RPE65: variants seen among roughly 807,000 people sequenced by gnomAD.
RPE65 encodes the protein retinoid isomerohydrolase RPE65.
Under a neutral mutation model 68.5 loss-of-function variants are expected in RPE65, and 58 were observed. That is an observed-to-expected ratio of 0.85 (90% CI 0.69 to 1.05). The LOEUF is 1.05. Ranked by LOEUF, RPE65 falls within the 50% of genes least tolerant of loss-of-function variation. The pLI is 0.00. For missense variants in RPE65, 643 were observed against 629.9 expected (o/e 1.02, Z -0.22); for synonymous variants, 220 against 222.2 (o/e 0.99, Z 0.09).
At chr1:68,443,759 A>T (rs1645920072) in intron 5 of RPE65, among the ~76,000 whole-genome samples, 1 of 152,198 alleles carries the variant, frequency 6.6e-6, no homozygotes, top group Non-Finnish European at 1.5e-5. Flanking sequence ...ACATTAAGTC[A>T]CCTGAAGACA....
intron 10 of RPE65, among the ~76,000 whole-genome samples, chr1:68,433,268 G>A (rs1571160207): frequency 6.6e-6 from 1 of 152,186 alleles, no homozygotes; most frequent in South Asian, 2.1e-4. Flanking sequence ...CGAGGAATGA[G>A]AAGGTAGCTG....
chr1:68,449,689 C>G (rs1227560696), intron 1 of RPE65, among the ~76,000 whole-genome samples: 1 of 152,146 alleles, frequency 6.6e-6, no homozygotes, highest in African/African-American at 2.4e-5. Context: ...AAACCCCGGG[C>G]TAAGTCACAC....
In RPE65 at chr1:68,433,748, A is replaced by G. The variant is rs548080793; in HGVS notation, c.1129-2163T>C. ...TGTTGTCTGCACTTAGTTCAGCCTC[A>G]GAGGTATAAGCATGGAGGGGGTGGA... On this transcript the variant is annotated intron_variant, in intron 10 of 13. Transcript: ENST00000262340. 2.6e-5 allele frequency among the ~76,000 whole-genome samples: 4 copies of G among 152,280 alleles called. No individual in the cohort carries two copies. The South Asian group carries it at 6.2e-4, about 24-fold the overall frequency.
Position 68,444,792 on chromosome 1 carries a change from T to G in RPE65, c.337A>C (p.Lys113Gln), listed in dbSNP as rs776612353. 4 of 1,614,218 alleles carry G rather than the reference T, an allele frequency of 2.5e-6. No individual in the cohort carries two copies. The highest frequency in any genetic ancestry group is 3.4e-6 in the Non-Finnish European group (4 of 1,180,028). ...FGTCAFPDPC[K>Q]NIFSRFFSYF... ...TTCAGTAACCTGGAAAATATATTCT[T>G]GCAGGGATCTGGGAAAGCACAGGTG... Residue 113 changes from lysine (K) to glutamine (Q), a missense_variant, in exon 4 of 14, where the codon AAG (lysine) becomes CAG (glutamine). Coordinates refer to ENST00000262340, the MANE Select transcript of RPE65 (RefSeq NM_000329.3).
Position 68,429,381 on chromosome 1 carries a change from A to T in RPE65, c.*395T>A. 4.5e-6 allele frequency: 1 copy of T among 222,246 alleles called. No individual in the cohort carries two copies. The highest frequency in any genetic ancestry group is 9.0e-6 in the Non-Finnish European group (1 of 110,846). The allele number at this position is 222,246 out of a possible 1,614,324, so 13.8% of individuals were successfully genotyped here. ...GATACTTCCTTGACTCAGCAAAGCC[A>T]CATATAATATAAATCAAGTGTAGAG... On this transcript the variant is annotated 3_prime_UTR_variant, in exon 14 of 14. Coordinates refer to ENST00000262340, the MANE Select transcript of RPE65 (RefSeq NM_000329.3).
At chr1:68,445,545 G>T (rs1165119563) in intron 3 of RPE65, among the ~76,000 whole-genome samples, 2 of 151,912 alleles carry the variant, frequency 1.3e-5, no homozygotes, top group Non-Finnish European at 2.9e-5. Flanking sequence ...ATGGAGTCTT[G>T]CTCTGTTGCC....
chr1:68,435,840 A>G (rs902150988), intron 10 of RPE65, among the ~76,000 whole-genome samples: 1 of 152,156 alleles, frequency 6.6e-6, no homozygotes, highest in African/African-American at 2.4e-5. Flanking sequence ...GCTATTCCTG[A>G]TTCGGCTTCT....
rs750890448 is a variant in RPE65 at position 68,438,229 on chromosome 1, T to C, written c.1086A>G (p.Gln362=). The change falls in exon 10 of 14, where the codon CAA becomes CAG. Residue 362 remains glutamine (Q), a synonymous_variant. Coordinates refer to ENST00000262340, the MANE Select transcript of RPE65 (RefSeq NM_000329.3). ...EVKKNARKAP[Q]PEVRRYVLPL... is the part of the protein sequence containing the mutation. ...GAAGTACATATCTCCTAACTTCAGG[T>C]TGGGGAGCCTTTCTGGCATTTTTTT... 46 of 1,613,846 alleles carry C rather than the reference T, an allele frequency of 2.9e-5. 1 individual carries two copies. The South Asian group carries it at 4.6e-4, about 16-fold the overall frequency.
rs1025371780 is a variant in RPE65 at position 68,429,701 on chromosome 1, G to C, written c.*75C>G. Reference sequence around the variant, plus strand: ...CCATGACATATAGCAGGCTAAAATTGAACAGAATTTGATTGCAGACCTGAA... The same window carrying C: ...CCATGACATATAGCAGGCTAAAATTCAACAGAATTTGATTGCAGACCTGAA... On this transcript the variant is annotated 3_prime_UTR_variant, in exon 14 of 14. Coordinates refer to ENST00000262340, the MANE Select transcript of RPE65 (RefSeq NM_000329.3). 8.8e-6 allele frequency: 14 copies of C among 1,588,698 alleles called. No individual in the cohort carries two copies. The African/African-American group carries it at 1.7e-4, about 20-fold the overall frequency.
intron 1 of RPE65, 51 bp from the exon 2 acceptor site, chr1:68,448,757 G>T: frequency 2.7e-6 from 4 of 1,508,802 alleles, no homozygotes; most frequent in Non-Finnish European, 3.6e-6. Context: ...CTCAAAGTCC[G>T]CAGAGATAGA....
In RPE65 at chr1:68,438,279, A is replaced by T; in HGVS notation, c.1036T>A (p.Leu346Ile). The T allele has an allele frequency of 1.9e-6, 3 of 1,613,790 alleles. No individual in the cohort carries two copies. The highest frequency in any genetic ancestry group is 2.5e-6 in the Non-Finnish European group (3 of 1,179,848). The change falls in exon 10 of 14, where the codon TTA becomes ATA. Residue 346 changes from leucine to isoleucine, a missense_variant. Leu to Ile is a conservative substitution (Grantham distance 5). Coordinates refer to ENST00000262340, the MANE Select transcript of RPE65 (RefSeq NM_000329.3). ...TTCACCTCTTCCCAGTTCTCACGTA[A>T]ATTGGCTAAATATAAGTAATTATAA... Reference protein sequence around the residue: ...FVYNYLYLANLRENWEEVKKN... With the variant: ...FVYNYLYLANIRENWEEVKKN...
chr1:68,438,886 C>T (rs931336331), intron 9 of RPE65, 56 bp downstream of exon 9: 1 of 1,610,028 alleles, frequency 6.2e-7, no homozygotes, highest in Non-Finnish European at 8.5e-7. Flanking sequence ...CTGTAAAAAC[C>T]CCGTAATTTC....
In RPE65 at chr1:68,446,757, G is replaced by A. The variant is rs765125431; in HGVS notation, c.198C>T (p.Leu66=). ...PFYHLFDGQA[L]LHKFDFKEGH... ...CTTCTTTAAAGTCAAACTTGTGCAGGAGGGCTTGCCCATCAAACAGGTGGT... is the reference window on the plus strand; with the variant it reads ...CTTCTTTAAAGTCAAACTTGTGCAGAAGGGCTTGCCCATCAAACAGGTGGT... The change falls in exon 3 of 14, where the codon CTC becomes CTT. Residue 66 remains leucine (L), a synonymous_variant. Transcript: ENST00000262340. The A allele has an allele frequency of 2.5e-6, 4 of 1,614,174 alleles. No homozygotes were observed. Among genetic ancestry groups the A allele is most frequent in the Non-Finnish European group, 3.4e-6 (4 of 1,180,030 alleles).
At chr1:68,433,433 G>T (rs1645840083) in intron 10 of RPE65, among the ~76,000 whole-genome samples, 1 of 152,160 alleles carries the variant, frequency 6.6e-6, no homozygotes, top group African/African-American at 2.4e-5. Context: ...ATCAGCTCTG[G>T]ATAGGAAGAT....
At position 68,444,829 on chromosome 1, in the gene RPE65, T is replaced by C; in HGVS notation, c.300A>G (p.Ile100Met). 1 of 1,614,096 alleles carries C rather than the reference T, an allele frequency of 6.2e-7. No individual in the cohort carries two copies. Among genetic ancestry groups the C allele is most frequent in the Non-Finnish European group, 8.5e-7 (1 of 1,180,022 alleles). The change falls in exon 4 of 14, where the codon ATA (isoleucine) becomes ATG (methionine). Residue 100 changes from isoleucine to methionine, a missense_variant. Coordinates refer to ENST00000262340, the MANE Select transcript of RPE65 (RefSeq NM_000329.3). The part of the protein sequence containing the change: ...VRAMTEKRIV[I>M]TEFGTCAFPD... ...GGAAAGCACAGGTGCCAAATTCTGT[T>C]ATGACGATCCTTTTCTCAGTCATTG...
chr1:68,436,943 T>C (rs1645867116), intron 10 of RPE65, among the ~76,000 whole-genome samples: 1 of 152,162 alleles, frequency 6.6e-6, no homozygotes, highest in Non-Finnish European at 1.5e-5. Context: ...GCTTTGCATC[T>C]TCATCTCTCA....
chr1:68,444,056 A>G (rs1645923006), intron 5 of RPE65, among the ~76,000 whole-genome samples: 1 of 152,208 alleles, frequency 6.6e-6, no homozygotes, highest in Non-Finnish European at 1.5e-5. Context: ...TACCAGGTTC[A>G]TGCTAGCTTA....
At chr1:68,431,617 G>A in intron 10 of RPE65, 32 bp from the exon 11 acceptor site, 1 of 1,571,090 alleles carries the variant, frequency 6.4e-7, no homozygotes, top group Non-Finnish European at 8.8e-7. Context: ...ACCTCAGTGA[G>A]CAGGAAAGAA....
At chr1:68,436,244 A>C (rs1470918601) in intron 10 of RPE65, among the ~76,000 whole-genome samples, 1 of 152,114 alleles carries the variant, frequency 6.6e-6, no homozygotes, top group Non-Finnish European at 1.5e-5. Context: ...ACTACATGTC[A>C]GTGATATGCT....
Sources: gnomAD v4.1 joint callset for allele counts (sites outside exome capture counted in the v4.1 genomes callset) on GRCh38, gnomAD v4.1.1 for gene constraint, MANE v1.5 for transcripts, NCBI Gene and HGNC (gene_info 2026-07-23, HGNC 2026-07-21) for gene names.